MRC1: variants seen among roughly 807,000 people sequenced by gnomAD.
MRC1 encodes macrophage mannose receptor 1.
A neutral mutation model predicts 102.9 loss-of-function variants in MRC1; 62 were observed. The observed-to-expected ratio is 0.60, with a 90% CI of 0.49 to 0.74. The LOEUF (loss-of-function observed/expected upper bound fraction) is 0.74. Ranked by LOEUF, MRC1 falls within the 30% of genes least tolerant of loss-of-function variation. The probability of loss-of-function intolerance (pLI) is 0.00; values close to 1 mark genes in which losing one functional copy is unlikely to be tolerated. For synonymous variants in MRC1, 457 were observed against 298.4 expected (o/e 1.53, Z -5.48); for missense variants, 1,237 against 862.8 (o/e 1.43, Z -5.43).
chr10:17,852,123 A>T (rs1166406342), intron 7 of MRC1, among the ~76,000 whole-genome samples: 1 of 152,288 alleles, frequency 6.6e-6, no homozygotes, highest in Admixed American at 6.5e-5. Context: ...TTAAACCTTC[A>T]TTGACTTTAA....
intron 17 of MRC1, among the ~76,000 whole-genome samples, chr10:17,876,246 C>CT (rs1323985210): frequency 0.042 from 5,797 of 138,680 alleles, 308 homozygotes; most frequent in African/African-American, 0.13. Flanking sequence ...AACTCAGAAT[C>CT]TTTTTTTTTT....
At chr10:17,874,210 G>C (rs368683008) in intron 16 of MRC1, among the ~76,000 whole-genome samples, 48,935 of 152,042 alleles carry the variant, frequency 0.32, 8,006 homozygotes, top group Admixed American at 0.4. Context: ...CCAAAATCCA[G>C]ATGTTGGCAG....
At chr10:17,853,600 G>A (rs1181165230) in intron 8 of MRC1, among the ~76,000 whole-genome samples, 125 of 127,672 alleles carry the variant, frequency 9.8e-4, no homozygotes, top group African/African-American at 1.4e-3. Context: ...GTGTGTGTGT[G>A]TATATATATA....
intron 12 of MRC1, among the ~76,000 whole-genome samples, chr10:17,868,087 C>T (rs930005564): frequency 2.6e-5 from 4 of 152,104 alleles, no homozygotes; most frequent in Admixed American, 2.6e-4. Flanking sequence ...AAATAACAAA[C>T]AAAAACCCCA....
chr10:17,828,751 T>G (rs1838522644), intron 3 of MRC1, among the ~76,000 whole-genome samples: 1 of 151,522 alleles, frequency 6.6e-6, no homozygotes, highest in Non-Finnish European at 1.5e-5. Flanking sequence ...AAATTCAGGT[T>G]TTATTGCAAG....
intron 7 of MRC1, among the ~76,000 whole-genome samples, chr10:17,851,996 G>A (rs1054680067): frequency 3.3e-5 from 5 of 152,192 alleles, no homozygotes; most frequent in African/African-American, 1.2e-4. Flanking sequence ...ACCACTAAAT[G>A]ATCATACATC....
chr10:17,867,379 T>TCTTCTTCTTCTCCTTCTTCTC (rs1554841596), intron 12 of MRC1, among the ~76,000 whole-genome samples: 1 of 142,246 alleles, frequency 7.0e-6, no homozygotes, highest in Non-Finnish European at 1.5e-5. Context: ...TTCTTCTTCT[T>TCTTCTTCTTCTCCTTCTTCTC]CTTCTTCTCC....
At chr10:17,825,107 C>A (rs1238921167) in intron 2 of MRC1, among the ~76,000 whole-genome samples, 1 of 152,022 alleles carries the variant, frequency 6.6e-6, no homozygotes, top group Admixed American at 6.6e-5. Flanking sequence ...TTAAGATGAT[C>A]CTGCTCCTCA....
At chr10:17,861,604 C>A in intron 10 of MRC1, 102 bp downstream of exon 10, 1 of 701,800 alleles carries the variant, frequency 1.4e-6, no homozygotes. Flanking sequence ...TATGTGTGAT[C>A]TTGAGGTATG....
chr10:17,850,085 A>G (rs1157176515), intron 7 of MRC1, among the ~76,000 whole-genome samples: 2 of 152,064 alleles, frequency 1.3e-5, no homozygotes, highest in African/African-American at 4.8e-5. Flanking sequence ...CTTGTGAACA[A>G]TGCTTAATTC....
At chr10:17,853,171 AT>A in intron 8 of MRC1, 47 bp downstream of exon 8, 1 of 778,668 alleles carries the variant, frequency 1.3e-6, no homozygotes, top group Non-Finnish European at 2.4e-6. Flanking sequence ...GTCACGGGGG[AT>A]TTTTCCTTCT....
At chr10:17,870,051 A>C (rs1833332687) in intron 12 of MRC1, among the ~76,000 whole-genome samples, 195 bp from the exon 13 acceptor site, 1 of 152,184 alleles carries the variant, frequency 6.6e-6, no homozygotes, top group African/African-American at 2.4e-5. Flanking sequence ...TTTTCTCAAT[A>C]AAAGAATCCC....
chr10:17,893,475 G>A (rs1833710000), intron 22 of MRC1, among the ~76,000 whole-genome samples: 1 of 152,178 alleles, frequency 6.6e-6, no homozygotes, highest in Admixed American at 6.5e-5. Flanking sequence ...CTTTAAATGA[G>A]CAAAATGCCA....
At chr10:17,843,371 C>G (rs1554839994) in intron 5 of MRC1, among the ~76,000 whole-genome samples, 1 of 152,078 alleles carries the variant, frequency 6.6e-6, no homozygotes, top group African/African-American at 2.4e-5. Flanking sequence ...TTATTACTAA[C>G]TTTAAGATAA....
chr10:17,853,952 T>TG (rs1438323526), intron 8 of MRC1, among the ~76,000 whole-genome samples: 3 of 151,984 alleles, frequency 2.0e-5, no homozygotes, highest in Middle Eastern at 3.4e-3. Context: ...GGTTTTTTTT[T>TG]TTGTTGTTGT....
At chr10:17,891,735 C>T (rs903991518) in intron 22 of MRC1, among the ~76,000 whole-genome samples, 3 of 152,162 alleles carry the variant, frequency 2.0e-5, no homozygotes, top group Non-Finnish European at 4.4e-5. Flanking sequence ...CTTTAGGTGT[C>T]AGAGGTTAAA....
chr10:17,812,244 T>C (rs1265529175), intron 1 of MRC1, among the ~76,000 whole-genome samples: 1 of 152,138 alleles, frequency 6.6e-6, no homozygotes, highest in African/African-American at 2.4e-5. Context: ...CTTGCCGCAC[T>C]ATCTTTTTAG....
intron 7 of MRC1, among the ~76,000 whole-genome samples, chr10:17,851,879 G>T (rs1838922753): frequency 2.0e-5 from 3 of 152,182 alleles, no homozygotes. Context: ...ACAACTTTCA[G>T]GAGGAAGAGA....
At chr10:17,862,720 A>G (rs1217049337) in intron 10 of MRC1, among the ~76,000 whole-genome samples, 1 of 152,168 alleles carries the variant, frequency 6.6e-6, no homozygotes, top group Non-Finnish European at 1.5e-5. Context: ...AAAATGTTGT[A>G]TTGCTGTTAG....
Sources: gnomAD v4.1 joint callset for allele counts (sites outside exome capture counted in the v4.1 genomes callset) on GRCh38, gnomAD v4.1.1 for gene constraint, MANE v1.5 for transcripts, NCBI Gene and HGNC (gene_info 2026-07-23, HGNC 2026-07-21) for gene names.